The following STYX variants were observed in gnomAD, a reference collection of about 807,000 sequenced individuals.
STYX encodes the protein serine/threonine/tyrosine interacting protein, also known as serine/threonine/tyrosine-interacting protein.
In STYX, 20 loss-of-function variants were observed where a neutral mutation model predicts 42.7. The ratio of observed to expected loss-of-function variants is 0.47; its 90% CI spans 0.33 to 0.68. The LOEUF (loss-of-function observed/expected upper bound fraction) is 0.68. Among genes scored for constraint, STYX ranks in the 30% least tolerant of loss-of-function variants. The pLI is 0.02. For synonymous variants in STYX, 78 were observed against 81.9 expected, an observed-to-expected ratio of 0.95 and a Z score of 0.26; for missense variants, 226 against 268.5, an observed-to-expected ratio of 0.84 and a Z score of 1.11.
intron 4 of STYX, among the ~76,000 whole-genome samples, chr14:52,752,352 C>G (rs1007138307): frequency 1.3e-5 from 2 of 151,904 alleles, no homozygotes; most frequent in East Asian, 1.9e-4. Flanking sequence ...GTAGTCCCAG[C>G]TACTCAGGAG....
intron 3 of STYX, among the ~76,000 whole-genome samples, chr14:52,747,023 C>G (rs956968435): frequency 6.6e-6 from 1 of 152,050 alleles, no homozygotes; most frequent in African/African-American, 2.4e-5. Context: ...TTTCGGATTT[C>G]GGATTTTTGG....
chr14:52,762,856 T>A (rs1208272379), intron 9 of STYX, among the ~76,000 whole-genome samples: 1 of 147,216 alleles, frequency 6.8e-6, no homozygotes, highest in Non-Finnish European at 1.5e-5. Context: ...TTTGATTTTT[T>A]CTTTTCTTTC....
At chr14:52,760,588 C>A (rs1417157869) in intron 9 of STYX, among the ~76,000 whole-genome samples, 1 of 152,168 alleles carries the variant, frequency 6.6e-6, no homozygotes, top group Non-Finnish European at 1.5e-5. Context: ...CATGTTTCAA[C>A]ATCAAGAATA....
chr14:52,744,804 T>C, intron 1 of STYX, 48 bp from the exon 2 acceptor site: 1 of 1,583,702 alleles, frequency 6.3e-7, no homozygotes, highest in Non-Finnish European at 8.7e-7. Flanking sequence ...TTTAATTGGG[T>C]GACTTTTTAA....
At position 52,765,299 on chromosome 14, in the gene STYX, A is replaced by G. The variant is rs557950949; in HGVS notation, c.505-3541A>G. 1.6e-4 allele frequency among the ~76,000 whole-genome samples: 24 copies of G among 152,178 alleles called. No individual in the cohort carries two copies. The East Asian group carries it at 4.3e-3, about 27-fold the overall frequency. On this transcript the variant is annotated intron_variant, in intron 9 of 10. Transcript: ENST00000354586. ...AGTGGTACAATCTAGGCTCACTGCAATCTCCACCTCCCGAGTTCAAGTGAT... is the reference window on the plus strand; with the variant it reads ...AGTGGTACAATCTAGGCTCACTGCAGTCTCCACCTCCCGAGTTCAAGTGAT...
At chr14:52,732,789 G>GC (rs1268052722) in intron 1 of STYX, among the ~76,000 whole-genome samples, 3 of 151,904 alleles carry the variant, frequency 2.0e-5, no homozygotes, top group Non-Finnish European at 4.4e-5. Context: ...TCCTGCCTCA[G>GC]CCGCCTGAGT....
chr14:52,746,058 T>C (rs529640849), intron 2 of STYX, among the ~76,000 whole-genome samples: 1 of 152,342 alleles, frequency 6.6e-6, no homozygotes, highest in South Asian at 2.1e-4. Flanking sequence ...ACATACTTGT[T>C]GAAATTTTGT....
chr14:52,730,488 A>T lies in STYX; in HGVS notation c.14A>T (p.Lys5Met). 1 of 1,613,722 alleles carries T rather than the reference A, an allele frequency of 6.2e-7. No individual in the cohort carries two copies. Among genetic ancestry groups the T allele is most frequent in the Non-Finnish European group, 8.5e-7 (1 of 1,179,868 alleles). The change falls in exon 1 of 11, where the codon AAG (lysine) becomes ATG (methionine). Residue 5 changes from lysine to methionine, a missense_variant. Transcript: ENST00000354586. MEDV[K>M]LEFPSLPQCK... ...CGGGCCAGCACCATGGAGGACGTGA[A>T]GCTGGAGTTCCCTTCCCTTCCACAG...
intron 9 of STYX, among the ~76,000 whole-genome samples, chr14:52,767,634 T>C (rs1259284160): frequency 1.3e-5 from 2 of 152,116 alleles, no homozygotes; most frequent in African/African-American, 4.8e-5. Context: ...AGAGGAGTGG[T>C]TGGGGAAGGC....
chr14:52,757,462 T>C, intron 6 of STYX, 107 bp downstream of exon 6: 1 of 1,058,730 alleles, frequency 9.4e-7, no homozygotes. Flanking sequence ...CAATTATATG[T>C]AGTAGCTTAC....
At chr14:52,738,694 C>T (rs995630834) in intron 1 of STYX, among the ~76,000 whole-genome samples, 35 of 152,276 alleles carry the variant, frequency 2.3e-4, no homozygotes, top group Admixed American at 2.0e-3. Context: ...GTAGCAAATG[C>T]AAAGAAACAC....
chr14:52,752,520 T>C (rs1881661333), intron 4 of STYX, among the ~76,000 whole-genome samples: 1 of 152,034 alleles, frequency 6.6e-6, no homozygotes, highest in African/African-American at 2.4e-5. Flanking sequence ...AACCAATCTA[T>C]AAATATCTGT....
chr14:52,771,228 G>C lies in STYX; in HGVS notation c.*122G>C. ...TTTTTTCAATTACATGTTGCTTCCAGACATACTTCTCTGCAACTTGTTGAG... is the reference window on the plus strand; with the variant it reads ...TTTTTTCAATTACATGTTGCTTCCACACATACTTCTCTGCAACTTGTTGAG... On this transcript the variant is annotated 3_prime_UTR_variant, in exon 11 of 11. Transcript: ENST00000354586. 1.2e-6 allele frequency: 1 copy of C among 804,632 alleles called. No homozygotes were observed. The highest frequency in any genetic ancestry group is 1.9e-6 in the Non-Finnish European group (1 of 524,222). 49.8% of individuals were successfully genotyped at this position (804,632 alleles called of 1,614,324 possible). A position where few individuals can be genotyped will look rare whatever the true frequency, so the allele number is the denominator to read the frequency against.
intron 1 of STYX, among the ~76,000 whole-genome samples, chr14:52,732,794 C>A (rs1008373664): frequency 2.0e-5 from 3 of 152,020 alleles, no homozygotes; most frequent in Non-Finnish European, 4.4e-5. Context: ...CCTCAGCCGC[C>A]TGAGTAGCTG....
chr14:52,757,442 A>G (rs927806515), intron 6 of STYX, 87 bp downstream of exon 6: 1 of 1,244,858 alleles, frequency 8.0e-7, no homozygotes, highest in Admixed American at 2.0e-5. Flanking sequence ...AATGCAGGAT[A>G]TGGAAGTTAC....
chr14:52,746,377 A>G, intron 2 of STYX, 49 bp from the exon 3 acceptor site: 3 of 1,421,544 alleles, frequency 2.1e-6, no homozygotes, highest in East Asian at 2.5e-5. Flanking sequence ...ATATAGCCTT[A>G]TAGATTTAAA....
intron 4 of STYX, among the ~76,000 whole-genome samples, chr14:52,756,030 T>G (rs1194454356): frequency 6.6e-6 from 1 of 152,210 alleles, no homozygotes; most frequent in Non-Finnish European, 1.5e-5. Context: ...AATATGTATT[T>G]ATTTTTGAGA....
intron 1 of STYX, among the ~76,000 whole-genome samples, chr14:52,732,431 C>G (rs867602783): frequency 2.0e-5 from 3 of 151,862 alleles, no homozygotes; most frequent in African/African-American, 2.4e-5. Flanking sequence ...CGCTACCACA[C>G]CGGGCTAATT....
At chr14:52,750,620 T>C in intron 3 of STYX, 63 bp from the exon 4 acceptor site, 1 of 1,042,332 alleles carries the variant, frequency 9.6e-7, no homozygotes, top group Non-Finnish European at 1.4e-6. Context: ...TATAGTAAGA[T>C]GATGTTTGAT....
Sources: allele counts gnomAD v4.1 joint callset (sites outside exome capture counted in the v4.1 genomes callset), GRCh38; gene constraint gnomAD v4.1.1; transcripts MANE v1.5; gene names NCBI Gene and HGNC (gene_info 2026-07-23, HGNC 2026-07-21).